GCNT1: variants seen among roughly 807,000 people sequenced by gnomAD.
The protein encoded by GCNT1 is glucosaminyl (N-acetyl) transferase 1, also known as beta-1,3-galactosyl-O-glycosyl-glycoprotein beta-1,6-N-acetylglucosaminyltransferase.
In GCNT1, 16 loss-of-function variants were observed where a neutral mutation model predicts 26.2. The ratio of observed to expected loss-of-function variants is 0.61; its 90% CI spans 0.41 to 0.93. The LOEUF is 0.93. Ranked by LOEUF, GCNT1 falls within the 40% of genes least tolerant of loss-of-function variation. The pLI is 0.00. For missense variants in GCNT1, 477 were observed against 526.7 expected (o/e 0.91, Z 0.92); for synonymous variants, 183 against 190.8 (o/e 0.96, Z 0.34).
the GCNT1 span, among the ~76,000 whole-genome samples, chr9:76,409,886 T>C: frequency 6.6e-5 from 10 of 152,186 alleles, no homozygotes; most frequent in Admixed American, 1.3e-4. Context: ...ATCCAATATA[T>C]GCATTCAATG....
At chr9:76,423,192 C>T (rs964436658) in intron 1 of GCNT1, among the ~76,000 whole-genome samples, 1 of 152,206 alleles carries the variant, frequency 6.6e-6, no homozygotes, top group South Asian at 2.1e-4. Context: ...ATGTTTTCCT[C>T]CTTGGAGGTT....
intron 2 of GCNT1, among the ~76,000 whole-genome samples, chr9:76,480,231 A>C (rs1824383561): frequency 6.6e-6 from 1 of 152,114 alleles, no homozygotes; most frequent in African/African-American, 2.4e-5. Flanking sequence ...TTTTGGTACC[A>C]GTACCATGCT....
rs764196313 is a variant in GCNT1 at position 76,503,509 on chromosome 9, T to C, written c.1128T>C (p.His376=). 1.1e-5 allele frequency: 18 copies of C among 1,614,116 alleles called. No homozygotes were observed. The South Asian group carries it at 1.5e-4, about 14-fold the overall frequency. The part of the protein sequence containing the change: ...GAPYPPCDGV[H]VRSVCIFGAG... ...CCTACCCGCCCTGCGATGGAGTCCATGTGCGCTCAGTGTGCATTTTCGGAG... is the reference window on the plus strand; with the variant it reads ...CCTACCCGCCCTGCGATGGAGTCCACGTGCGCTCAGTGTGCATTTTCGGAG... The change falls in exon 4 of 4, where the codon CAT becomes CAC. Residue 376 remains histidine (H), a synonymous_variant. Transcript: ENST00000376730.
chr9:76,499,954 G>A (rs1274718600), intron 2 of GCNT1, among the ~76,000 whole-genome samples: 1 of 151,710 alleles, frequency 6.6e-6, no homozygotes, highest in Non-Finnish European at 1.5e-5. Context: ...TCTCAATTTG[G>A]TTAGATACCA....
the GCNT1 span, chr9:76,394,514 G>A: frequency 5.3e-5 from 11 of 209,384 alleles, no homozygotes; most frequent in South Asian, 9.6e-4. Flanking sequence ...TTCCTCAGCC[G>A]AACGCCTCGA....
the GCNT1 span, among the ~76,000 whole-genome samples, chr9:76,406,004 C>T: frequency 6.6e-6 from 1 of 152,160 alleles, no homozygotes; most frequent in Admixed American, 6.5e-5. Flanking sequence ...TTTGCATTCC[C>T]ACCAGCAATT....
intron 2 of GCNT1, among the ~76,000 whole-genome samples, chr9:76,477,969 G>T (rs145462984): frequency 6.6e-6 from 1 of 152,082 alleles, no homozygotes; most frequent in Admixed American, 6.6e-5. Flanking sequence ...ACCGATCAGC[G>T]CTCTGTGTCT....
the GCNT1 span, among the ~76,000 whole-genome samples, chr9:76,396,760 C>A: frequency 6.6e-6 from 1 of 152,256 alleles, no homozygotes; most frequent in Admixed American, 6.5e-5. Flanking sequence ...AAGAGTCGCT[C>A]GAACCTGGCG....
chr9:76,464,737 A>G (rs191442959), intron 2 of GCNT1, among the ~76,000 whole-genome samples: 2 of 152,304 alleles, frequency 1.3e-5, no homozygotes, highest in East Asian at 3.9e-4. Context: ...TAAACCCATC[A>G]AGTCCTGAGT....
intron 1 of GCNT1, among the ~76,000 whole-genome samples, chr9:76,435,297 C>T (rs1188320456): frequency 6.6e-6 from 1 of 152,100 alleles, no homozygotes; most frequent in African/African-American, 2.4e-5. Context: ...TGTAAAATTC[C>T]TCTCTTTGTA....
chr9:76,402,105 C>A, the GCNT1 span, among the ~76,000 whole-genome samples: 10 of 152,142 alleles, frequency 6.6e-5, no homozygotes, highest in Non-Finnish European at 1.3e-4. Context: ...TTTGTCCTTC[C>A]GGGTACAGAG....
the GCNT1 span, among the ~76,000 whole-genome samples, chr9:76,397,044 G>A: frequency 6.6e-6 from 1 of 152,222 alleles, no homozygotes; most frequent in Admixed American, 6.5e-5. Context: ...CACTTTGGGA[G>A]ACCGAGGCAG....
the GCNT1 span, among the ~76,000 whole-genome samples, chr9:76,412,362 A>G: frequency 1.3e-5 from 2 of 152,152 alleles, no homozygotes; most frequent in Non-Finnish European, 2.9e-5. Context: ...CTGATACTCT[A>G]TCTTTCCCTA....
intron 2 of GCNT1, among the ~76,000 whole-genome samples, chr9:76,494,100 C>T (rs912445705): frequency 2.6e-5 from 4 of 151,982 alleles, no homozygotes; most frequent in African/African-American, 9.7e-5. Context: ...CATAACGGTC[C>T]CTGGACCCTG....
the GCNT1 span, chr9:76,394,259 C>T: frequency 7.3e-7 from 1 of 1,376,726 alleles, no homozygotes; most frequent in Non-Finnish European, 9.9e-7. Flanking sequence ...CCCGGACCAG[C>T]CGGGGGACAG....
chr9:76,439,519 C>G (rs978654255), upstream of GCNT1, among the ~76,000 whole-genome samples: 5 of 151,296 alleles, frequency 3.3e-5, no homozygotes, highest in Admixed American at 2.0e-4. Context: ...GCCACCATGC[C>G]TGGCCCCATT....
chr9:76,473,196 A>T (rs1824178910), intron 2 of GCNT1, among the ~76,000 whole-genome samples: 1 of 152,190 alleles, frequency 6.6e-6, no homozygotes, highest in Non-Finnish European at 1.5e-5. Context: ...TCTACAATGG[A>T]TGCATTGTTC....
chr9:76,413,938 T>G, the GCNT1 span, among the ~76,000 whole-genome samples: 13 of 152,194 alleles, frequency 8.5e-5, no homozygotes, highest in Non-Finnish European at 1.8e-4. Flanking sequence ...AAGGTTCTAT[T>G]GACACATTCT....
At chr9:76,437,649 T>C (rs1823427805), upstream of GCNT1, among the ~76,000 whole-genome samples, 1 of 152,234 alleles carries the variant, frequency 6.6e-6, no homozygotes, top group Admixed American at 6.5e-5. Context: ...GGACTCGCCC[T>C]GAATTCTTTC....
Sources: gnomAD v4.1 joint callset for allele counts (sites outside exome capture counted in the v4.1 genomes callset) on GRCh38, gnomAD v4.1.1 for gene constraint, MANE v1.5 for transcripts, NCBI Gene and HGNC (gene_info 2026-07-23, HGNC 2026-07-21) for gene names.